ANGPT1: variants seen among roughly 807,000 people sequenced by gnomAD.
ANGPT1 encodes angiopoietin 1, also known as angiopoietin-1.
In ANGPT1, 17 loss-of-function variants were observed where a neutral mutation model predicts 62.2. That is an observed-to-expected ratio of 0.27 (90% CI 0.19 to 0.41). ANGPT1 has a LOEUF of 0.41. Ranked by LOEUF, ANGPT1 falls within the 10% of genes least tolerant of loss-of-function variation. ANGPT1 has a pLI of 1.00. For synonymous variants in ANGPT1, 199 were observed against 198.9 expected, an observed-to-expected ratio of 1.00 and a Z score of 0.00; for missense variants, 478 against 594.9, an observed-to-expected ratio of 0.80 and a Z score of 2.04.
chr8:107,456,016 G>A (rs971214930), intron 1 of ANGPT1, among the ~76,000 whole-genome samples: 6 of 151,992 alleles, frequency 3.9e-5, no homozygotes, highest in South Asian at 2.1e-4. Context: ...AATGTACCTC[G>A]GAGATCTGGT....
In ANGPT1 at chr8:107,377,687, T is replaced by A. The variant is rs62516183; in HGVS notation, c.298-30590A>T. Among the ~76,000 whole-genome samples the A allele has an allele frequency of 6.6e-3, 999 of 152,256 alleles. 4 individuals are homozygous for A. The highest frequency in any genetic ancestry group is 1.0e-2 in the Non-Finnish European group (678 of 68,014). On this transcript the variant is annotated intron_variant, in intron 1 of 8. Transcript: ENST00000517746. ...TGATGTAAGCGTTGTCTCACCTATTTCCAGAAAAGGAGGTTAAAGCCAATG... is the reference window on the plus strand; with the variant it reads ...TGATGTAAGCGTTGTCTCACCTATTACCAGAAAAGGAGGTTAAAGCCAATG...
At chr8:107,395,797 A>C (rs1816922870) in intron 1 of ANGPT1, among the ~76,000 whole-genome samples, 1 of 152,182 alleles carries the variant, frequency 6.6e-6, no homozygotes, top group African/African-American at 2.4e-5. Flanking sequence ...ATTAGTTCTC[A>C]GGAGCAGGAA....
At chr8:107,420,409 G>T (rs927143860) in intron 1 of ANGPT1, among the ~76,000 whole-genome samples, 4 of 152,088 alleles carry the variant, frequency 2.6e-5, no homozygotes, top group Non-Finnish European at 5.9e-5. Flanking sequence ...CAAAAAAATT[G>T]CTGTTTGCTT....
At chr8:107,480,742 T>C (rs1020370712) in intron 1 of ANGPT1, among the ~76,000 whole-genome samples, 2 of 152,152 alleles carry the variant, frequency 1.3e-5, no homozygotes, top group Admixed American at 6.5e-5. Context: ...AGATCAACTA[T>C]AGACAAGAGC....
intron 7 of ANGPT1, 111 bp downstream of exon 7, chr8:107,284,570 AG>A (rs1814093493): frequency 1.9e-6 from 2 of 1,068,506 alleles, no homozygotes; most frequent in African/African-American, 1.6e-5. Flanking sequence ...CAAAAAAAAA[AG>A]AATTTTCATT....
At chr8:107,395,355 C>A (rs1407054423) in intron 1 of ANGPT1, among the ~76,000 whole-genome samples, 1 of 152,102 alleles carries the variant, frequency 6.6e-6, no homozygotes, top group Non-Finnish European at 1.5e-5. Flanking sequence ...TTTATATCAC[C>A]TTGAGTATTA....
At chr8:107,424,035 T>C (rs1810972780) in intron 1 of ANGPT1, among the ~76,000 whole-genome samples, 1 of 151,722 alleles carries the variant, frequency 6.6e-6, no homozygotes, top group African/African-American at 2.4e-5. Context: ...GAGACAGGGT[T>C]TCACCATGTT....
At chr8:107,440,422 G>A (rs1429355152) in intron 1 of ANGPT1, among the ~76,000 whole-genome samples, 2 of 152,148 alleles carry the variant, frequency 1.3e-5, no homozygotes, top group African/African-American at 4.8e-5. Context: ...GCCCAAGTGG[G>A]TGAAATGACA....
chr8:107,336,311 G>A (rs764703162), intron 2 of ANGPT1, 40 bp from the exon 3 acceptor site: 3 of 1,548,860 alleles, frequency 1.9e-6, no homozygotes, highest in Middle Eastern at 2.2e-4. Context: ...CTTCAGTCAC[G>A]AATCAAAGAA....
At chr8:107,471,075 A>T (rs1371196970) in intron 1 of ANGPT1, among the ~76,000 whole-genome samples, 5 of 152,118 alleles carry the variant, frequency 3.3e-5, no homozygotes, top group African/African-American at 4.8e-5. Flanking sequence ...AAATCATTCT[A>T]CTATAAAGAC....
At chr8:107,457,867 CCAAGAGGGGAAAAAAAT>C in intron 1 of ANGPT1, among the ~76,000 whole-genome samples, 1 of 120,334 alleles carries the variant, frequency 8.3e-6, no homozygotes, top group African/African-American at 3.2e-5. Context: ...CACACACACA[CCAAGAGGGGAAAAAAAT>C]ACCTATGAAA....
intron 4 of ANGPT1, among the ~76,000 whole-genome samples, chr8:107,309,020 C>G (rs1191885898): frequency 1.3e-5 from 2 of 152,056 alleles, no homozygotes; most frequent in African/African-American, 4.8e-5. Context: ...AAAAAACTTC[C>G]TGGAATGTGG....
chr8:107,411,895 GT>G (rs1810593295), intron 1 of ANGPT1, among the ~76,000 whole-genome samples: 1 of 152,106 alleles, frequency 6.6e-6, no homozygotes, highest in Admixed American at 6.6e-5. Flanking sequence ...TTTTTCTGTG[GT>G]TGTATGGTGG....
At chr8:107,270,296 T>C (rs187682621) in intron 7 of ANGPT1, among the ~76,000 whole-genome samples, 81 of 152,220 alleles carry the variant, frequency 5.3e-4, no homozygotes, top group African/African-American at 1.9e-3. Flanking sequence ...TTTTAAACAG[T>C]AGACAGACTC....
At chr8:107,474,608 T>G (rs1451552972) in intron 1 of ANGPT1, among the ~76,000 whole-genome samples, 2 of 152,072 alleles carry the variant, frequency 1.3e-5, no homozygotes, top group Admixed American at 1.3e-4. Context: ...GAGAAAGAAA[T>G]AAAGGGTATT....
At chr8:107,252,414 T>C (rs1813266770) in intron 8 of ANGPT1, among the ~76,000 whole-genome samples, 1 of 152,178 alleles carries the variant, frequency 6.6e-6, no homozygotes, top group African/African-American at 2.4e-5. Context: ...TTATTGGGAA[T>C]AGAACAATTA....
chr8:107,481,780 T>G (rs1250635402), intron 1 of ANGPT1, among the ~76,000 whole-genome samples: 1 of 152,066 alleles, frequency 6.6e-6, no homozygotes, highest in Non-Finnish European at 1.5e-5. Context: ...GGGAAGCCCC[T>G]TATAAAACCA....
At chr8:107,294,714 T>G (rs185431277) in intron 5 of ANGPT1, 14 of 152,304 alleles carry the variant, frequency 9.2e-5, no homozygotes, top group Admixed American at 3.9e-4. Flanking sequence ...TGTGGAAAAT[T>G]TATACAAATC....
chr8:107,369,245 G>A (rs188614434), intron 1 of ANGPT1, among the ~76,000 whole-genome samples: 46 of 152,194 alleles, frequency 3.0e-4, no homozygotes, highest in Middle Eastern at 3.4e-3. Flanking sequence ...AACCTCATGA[G>A]CCACAACCTC....
Sources: gnomAD v4.1 joint callset for allele counts (sites outside exome capture counted in the v4.1 genomes callset) on GRCh38, gnomAD v4.1.1 for gene constraint, MANE v1.5 for transcripts, NCBI Gene and HGNC (gene_info 2026-07-23, HGNC 2026-07-21) for gene names.